The following SOX5 variants were observed in gnomAD, a reference collection of about 807,000 sequenced individuals.
The protein encoded by SOX5 is transcription factor SOX-5.
In SOX5, 9 loss-of-function variants were observed where a neutral mutation model predicts 92.0. That is an observed-to-expected ratio of 0.10 (90% CI 0.06 to 0.17). The LOEUF (loss-of-function observed/expected upper bound fraction) is 0.17. SOX5 is among the 10% of genes least tolerant of loss of function. The pLI, the probability that SOX5 is intolerant of heterozygous loss-of-function variation, is 1.00. For synonymous variants in SOX5, 344 were observed against 336.3 expected, an observed-to-expected ratio of 1.02 and a Z score of -0.25; for missense variants, 642 against 944.5, an observed-to-expected ratio of 0.68 and a Z score of 4.20.
intron 4 of SOX5, among the ~76,000 whole-genome samples, chr12:24,101,467 T>C (rs79649106): frequency 5.9e-5 from 9 of 152,282 alleles, no homozygotes; most frequent in Admixed American, 1.3e-4. Context: ...TTACCTTTTT[T>C]AACTTAATTA....
intron 1 of SOX5, among the ~76,000 whole-genome samples, chr12:24,462,522 A>G (rs945728854): frequency 2.0e-5 from 3 of 152,212 alleles, no homozygotes; most frequent in Non-Finnish European, 2.9e-5. Flanking sequence ...AAAGACTCAC[A>G]TTTAAATTCT....
At chr12:24,483,825 T>C (rs1044296902) in intron 1 of SOX5, among the ~76,000 whole-genome samples, 1 of 152,260 alleles carries the variant, frequency 6.6e-6, no homozygotes, top group Non-Finnish European at 1.5e-5. Context: ...ATGAACACAC[T>C]TTCTGCATTC....
chr12:24,210,905 TGTAA>T (rs574593891), intron 4 of SOX5, among the ~76,000 whole-genome samples: 24 of 152,330 alleles, frequency 1.6e-4, no homozygotes, highest in Middle Eastern at 3.4e-3. Context: ...GTACACAACT[TGTAA>T]GTGAGACTGA....
chr12:24,103,096 T>C (rs1175928892), intron 4 of SOX5, among the ~76,000 whole-genome samples: 1 of 152,184 alleles, frequency 6.6e-6, no homozygotes, highest in African/African-American at 2.4e-5. Flanking sequence ...TGAGAATCCA[T>C]AATAGATACA....
intron 4 of SOX5, among the ~76,000 whole-genome samples, chr12:24,187,785 A>G (rs1251183531): frequency 1.3e-5 from 2 of 152,132 alleles, no homozygotes; most frequent in Non-Finnish European, 1.5e-5. Context: ...AAAAAAATCA[A>G]CTGTGTCTCA....
At chr12:24,559,308 A>C (rs1277923777) in intron 1 of SOX5, among the ~76,000 whole-genome samples, 2 of 152,200 alleles carry the variant, frequency 1.3e-5, no homozygotes, top group Admixed American at 6.5e-5. Context: ...AGTTGATTGG[A>C]TATTGGGTGA....
chr12:24,280,403 CA>C lies in SOX5; in HGVS notation c.-173-3092del, dbSNP rs1203572995. ...GAGGTGCTTTGACGGGTCTCTGTTTCATCATCTTGTTTCATAACTTAAAGTA... is the reference window on the plus strand; with the variant it reads ...GAGGTGCTTTGACGGGTCTCTGTTTCTCATCTTGTTTCATAACTTAAAGTA... On this transcript the variant is annotated intron_variant, in intron 2 of 4. Transcript: ENST00000446891. 2.6e-5 allele frequency among the ~76,000 whole-genome samples: 4 copies of C among 152,294 alleles called. No individual in the cohort carries two copies. The East Asian group carries it at 7.7e-4, about 29-fold the overall frequency.
chr12:23,571,008 G>A (rs1948277544), intron 10 of SOX5, among the ~76,000 whole-genome samples: 1 of 127,906 alleles, frequency 7.8e-6, no homozygotes, highest in South Asian at 2.5e-4. Flanking sequence ...TATTTTTGGT[G>A]GTACATGCCT....
At chr12:23,902,903 C>T (rs1408173920) in intron 1 of SOX5, among the ~76,000 whole-genome samples, 2 of 152,062 alleles carry the variant, frequency 1.3e-5, no homozygotes, top group African/African-American at 4.8e-5. Flanking sequence ...CAATGTATTT[C>T]TTTTATAAAT....
chr12:24,471,407 A>G (rs533051464), intron 1 of SOX5, among the ~76,000 whole-genome samples: 1 of 152,330 alleles, frequency 6.6e-6, no homozygotes, highest in East Asian at 1.9e-4. Flanking sequence ...TGGAAGTCAC[A>G]TATCATGAAT....
Position 23,611,924 on chromosome 12 carries a change from T to TA in SOX5, c.1018-7392dup, listed in dbSNP as rs71059910. Among the ~76,000 whole-genome samples, 799 of 142,434 alleles carry TA rather than the reference T, an allele frequency of 5.6e-3. 3 individuals are homozygous for TA. The highest frequency in any genetic ancestry group is 0.015 in the Middle Eastern group (4 of 274). 93.4% of individuals were successfully genotyped at this position (142,434 alleles called of 152,430 possible). ...GCTGGGCACAAAAGGCATTTTAAAT[T>TA]AAAAAAAAAAAAACACATTAAGATT... On this transcript the variant is annotated intron_variant, in intron 8 of 14. Coordinates refer to ENST00000451604, the MANE Select transcript of SOX5 (RefSeq NM_006940.6).
At chr12:23,841,845 C>T (rs2096520940) in intron 3 of SOX5, among the ~76,000 whole-genome samples, 1 of 152,070 alleles carries the variant, frequency 6.6e-6, no homozygotes, top group African/African-American at 2.4e-5. Flanking sequence ...GGCTATTCTA[C>T]ATGATACTGT....
rs143782177 is a variant in SOX5 at position 24,220,301 on chromosome 12, A to G, written c.-76-6884T>C. Among the ~76,000 whole-genome samples, 295 of 152,166 alleles carry G rather than the reference A, an allele frequency of 1.9e-3. 2 individuals are homozygous for G. Among genetic ancestry groups the G allele is most frequent in the African/African-American group, 6.8e-3 (284 of 41,536 alleles). ...CAAATAACATTAATTTTCTTCCAAA[A>G]CATTAATGTTCCAAAGTATTAACTT... On this transcript the variant is annotated intron_variant, in intron 3 of 4. Transcript: ENST00000446891.
rs1402461657 is a variant in SOX5 at position 23,533,793 on chromosome 12, CT to C, written c.*425del. The C allele has an allele frequency of 6.5e-6, 1 of 153,032 alleles. No homozygotes were observed. The highest frequency in any genetic ancestry group is 1.5e-5 in the Non-Finnish European group (1 of 68,474). 9.5% of individuals were successfully genotyped at this position (153,032 alleles called of 1,614,324 possible). A position where few individuals can be genotyped will look rare whatever the true frequency, so the allele number is the denominator to read the frequency against. On this transcript the variant is annotated 3_prime_UTR_variant, in exon 15 of 15. Transcript: ENST00000451604. ...CCAAAAAACAAAACAAAACTTTTTT[CT>C]TTTTAAAAATTGTAGCACAAAACAA...
intron 4 of SOX5, among the ~76,000 whole-genome samples, chr12:24,134,219 T>C (rs904433116): frequency 1.3e-5 from 2 of 152,000 alleles, no homozygotes; most frequent in African/African-American, 4.8e-5. Flanking sequence ...TTTTTAAGGG[T>C]TGTGTTAGTG....
chr12:23,793,141 C>A (rs1415980837), intron 3 of SOX5, among the ~76,000 whole-genome samples: 1 of 152,110 alleles, frequency 6.6e-6, no homozygotes, highest in African/African-American at 2.4e-5. Context: ...ATAAATTCTC[C>A]TCATATGAAA....
chr12:23,860,163 G>A (rs778911769), intron 2 of SOX5, among the ~76,000 whole-genome samples: 15 of 152,076 alleles, frequency 9.9e-5, no homozygotes, highest in Non-Finnish European at 1.9e-4. Context: ...ACGGTGGGAG[G>A]AGGGAGAGGA....
At chr12:23,780,672 C>A (rs1306688142) in intron 3 of SOX5, among the ~76,000 whole-genome samples, 1 of 151,904 alleles carries the variant, frequency 6.6e-6, no homozygotes, top group Non-Finnish European at 1.5e-5. Context: ...GTGTGGCAAT[C>A]CTGGTAGGTA....
intron 1 of SOX5, among the ~76,000 whole-genome samples, chr12:24,476,350 A>T (rs4396373): frequency 1.3e-5 from 2 of 151,988 alleles, no homozygotes; most frequent in Non-Finnish European, 2.9e-5. Flanking sequence ...TAGAAATGTG[A>T]AGGAAAAACT....
Sources: allele counts gnomAD v4.1 joint callset (sites outside exome capture counted in the v4.1 genomes callset), GRCh38; gene constraint gnomAD v4.1.1; transcripts MANE v1.5; gene names NCBI Gene and HGNC (gene_info 2026-07-23, HGNC 2026-07-21).